LRFN5: variants seen among roughly 807,000 people sequenced by gnomAD.
LRFN5 encodes leucine rich repeat and fibronectin type III domain containing 5, also known as leucine-rich repeat and fibronectin type-III domain-containing protein 5.
LRFN5 carries 24 observed loss-of-function variants against 45.6 expected under a neutral mutation model. That is an observed-to-expected ratio of 0.53 (90% CI 0.38 to 0.74). The LOEUF is 0.74. Ranked by LOEUF, LRFN5 falls within the 30% of genes least tolerant of loss-of-function variation. LRFN5 has a pLI of 0.00. For missense variants in LRFN5, 776 were observed against 861.5 expected (o/e 0.90, Z 1.24); for synonymous variants, 340 against 313.8 (o/e 1.08, Z -0.88).
At chr14:41,681,780 C>CA (rs1252123380) in intron 1 of LRFN5, among the ~76,000 whole-genome samples, 2 of 147,890 alleles carry the variant, frequency 1.4e-5, no homozygotes, top group African/African-American at 5.0e-5. Flanking sequence ...ATAAACTACT[C>CA]TTTTATTTTA....
At chr14:41,792,807 G>A (rs1886974103) in intron 2 of LRFN5, among the ~76,000 whole-genome samples, 1 of 151,954 alleles carries the variant, frequency 6.6e-6, no homozygotes, top group Admixed American at 6.6e-5. Flanking sequence ...TTATCACAGT[G>A]GTCCTGAGGT....
chr14:41,614,218 T>A (rs1887855186), intron 1 of LRFN5, among the ~76,000 whole-genome samples: 1 of 152,098 alleles, frequency 6.6e-6, no homozygotes, highest in Admixed American at 6.6e-5. Context: ...AAAATACATA[T>A]AATTTATATG....
chr14:41,878,288 C>T (rs1164299952), intron 2 of LRFN5, among the ~76,000 whole-genome samples: 1 of 152,086 alleles, frequency 6.6e-6, no homozygotes, highest in Non-Finnish European at 1.5e-5. Flanking sequence ...GACAAAGGGG[C>T]AGTAATTGAA....
At chr14:41,822,925 G>T (rs919558019) in intron 2 of LRFN5, among the ~76,000 whole-genome samples, 3 of 137,454 alleles carry the variant, frequency 2.2e-5, no homozygotes, top group African/African-American at 5.5e-5. Flanking sequence ...TTTTAATGTT[G>T]TTGATTTAAA....
intron 1 of LRFN5, among the ~76,000 whole-genome samples, chr14:41,633,497 C>G (rs1888620665): frequency 6.6e-6 from 1 of 152,044 alleles, no homozygotes; most frequent in African/African-American, 2.4e-5. Context: ...CAGGATTACT[C>G]TTAGATACTG....
At chr14:41,755,191 G>T (rs138523818) in intron 1 of LRFN5, among the ~76,000 whole-genome samples, 5,094 of 152,172 alleles carry the variant, frequency 0.033, 87 homozygotes, top group South Asian at 0.067. Flanking sequence ...CCAACTATGT[G>T]GTCAATTTTG....
At chr14:41,825,908 A>G (rs1330083414) in intron 2 of LRFN5, among the ~76,000 whole-genome samples, 1 of 152,230 alleles carries the variant, frequency 6.6e-6, no homozygotes, top group Non-Finnish European at 1.5e-5. Flanking sequence ...TGAACTAACA[A>G]TAACTCCACC....
chr14:41,785,654 C>T (rs964297180), intron 2 of LRFN5, among the ~76,000 whole-genome samples: 2 of 152,030 alleles, frequency 1.3e-5, no homozygotes, highest in Non-Finnish European at 2.9e-5. Flanking sequence ...ATTATTATTA[C>T]ATCGTAATAT....
At chr14:41,893,915 G>T in intron 4 of LRFN5, 3 of 985,206 alleles carry the variant, frequency 3.0e-6, no homozygotes, top group Non-Finnish European at 3.6e-6. Flanking sequence ...GTCACATGTG[G>T]TCGTAGTTTG....
At chr14:41,619,430 T>A (rs972192279) in intron 1 of LRFN5, among the ~76,000 whole-genome samples, 2 of 152,052 alleles carry the variant, frequency 1.3e-5, no homozygotes, top group African/African-American at 4.8e-5. Context: ...GTATTTGACT[T>A]CAGTGTTTGT....
intron 4 of LRFN5, chr14:41,893,678 ACACAATGTATC>A: frequency 3.0e-6 from 3 of 985,388 alleles, no homozygotes; most frequent in Non-Finnish European, 3.6e-6. Context: ...ATCTTCTGAT[ACACAATGTATC>A]ATGATGCCAT....
At chr14:41,620,038 A>C (rs1888066113) in intron 1 of LRFN5, among the ~76,000 whole-genome samples, 1 of 152,102 alleles carries the variant, frequency 6.6e-6, no homozygotes, top group South Asian at 2.1e-4. Context: ...TCTTTTAAAA[A>C]ATACGTCTTT....
At chr14:41,883,693 A>G (rs1409304920) in intron 2 of LRFN5, among the ~76,000 whole-genome samples, 1 of 151,980 alleles carries the variant, frequency 6.6e-6, no homozygotes, top group African/African-American at 2.4e-5. Context: ...TATTTTGTTT[A>G]CCTTACCTTA....
intron 1 of LRFN5, among the ~76,000 whole-genome samples, chr14:41,690,447 A>G (rs1263834770): frequency 6.6e-6 from 1 of 152,106 alleles, no homozygotes; most frequent in African/African-American, 2.4e-5. Context: ...CAGCTACTCA[A>G]GAGGCTGAGG....
intron 1 of LRFN5, among the ~76,000 whole-genome samples, chr14:41,749,135 A>G (rs72668805): frequency 0.013 from 2,021 of 152,272 alleles, 22 homozygotes; most frequent in South Asian, 0.034. Flanking sequence ...CAGAGCCTTC[A>G]TTACCTAATC....
At chr14:41,780,413 C>G (rs976012850) in intron 2 of LRFN5, among the ~76,000 whole-genome samples, 1 of 151,968 alleles carries the variant, frequency 6.6e-6, no homozygotes, top group Non-Finnish European at 1.5e-5. Context: ...GAATTGACAG[C>G]TTTCTCATTA....
At chr14:41,789,029 T>G (rs569665151) in intron 2 of LRFN5, among the ~76,000 whole-genome samples, 5 of 152,136 alleles carry the variant, frequency 3.3e-5, no homozygotes, top group Middle Eastern at 3.4e-3. Context: ...CCTACTAAAC[T>G]CATTTATTGA....
At chr14:41,739,394 C>T (rs964137918) in intron 1 of LRFN5, among the ~76,000 whole-genome samples, 2 of 150,674 alleles carry the variant, frequency 1.3e-5, no homozygotes, top group Admixed American at 6.6e-5. Context: ...CAATCATCAT[C>T]ATCATCATCA....
chr14:41,738,151 T>C (rs1482106060), intron 1 of LRFN5, among the ~76,000 whole-genome samples: 13 of 152,160 alleles, frequency 8.5e-5, no homozygotes, highest in Admixed American at 8.5e-4. Flanking sequence ...AACAGATATA[T>C]GGACCAATGG....
Sources: gnomAD v4.1 joint callset for allele counts (sites outside exome capture counted in the v4.1 genomes callset) on GRCh38, gnomAD v4.1.1 for gene constraint, MANE v1.5 for transcripts, NCBI Gene and HGNC (gene_info 2026-07-23, HGNC 2026-07-21) for gene names.